TMPRSS9: variants seen among roughly 807,000 people sequenced by gnomAD.
TMPRSS9 encodes the protein transmembrane protease serine 9.
A neutral mutation model predicts 111.4 loss-of-function variants in TMPRSS9; 113 were observed. That is an observed-to-expected ratio of 1.01 (90% CI 0.87 to 1.19). TMPRSS9 has a LOEUF of 1.19. Among genes scored for constraint, TMPRSS9 ranks in the 50% most tolerant of loss-of-function variants. The pLI, the probability that TMPRSS9 is intolerant of heterozygous loss-of-function variation, is 0.00. For missense variants in TMPRSS9, 1,803 were observed against 1,513.1 expected, an observed-to-expected ratio of 1.19 and a Z score of -3.18; for synonymous variants, 805 against 659.1, an observed-to-expected ratio of 1.22 and a Z score of -3.39.
At chr19:2,371,114 A>G (rs1295376923) in intron 1 of TMPRSS9, among the ~76,000 whole-genome samples, 4 of 152,036 alleles carry the variant, frequency 2.6e-5, no homozygotes, top group Non-Finnish European at 2.9e-5. Context: ...CCCACAGCTC[A>G]CTCCTGTTTG....
At chr19:2,367,561 ATT>A (rs35468320) in intron 1 of TMPRSS9, among the ~76,000 whole-genome samples, 91 of 129,574 alleles carry the variant, frequency 7.0e-4, no homozygotes, top group African/African-American at 1.7e-3. Context: ...TGACTGGCTA[ATT>A]TTTTTTTTTT....
chr19:2,385,197 G>A (rs1401426164), upstream of TMPRSS9, among the ~76,000 whole-genome samples: 2 of 100,588 alleles, frequency 2.0e-5, no homozygotes, highest in South Asian at 3.1e-4. Context: ...GCGGGGGCGG[G>A]GCTCGAGGGG....
At position 2,426,182 on chromosome 19, in the gene TMPRSS9, C is replaced by G. The variant is rs1039391584; in HGVS notation, c.*94C>G. 1.2e-5 allele frequency: 12 copies of G among 968,894 alleles called. No homozygotes were observed. The East Asian group carries it at 1.4e-4, about 11-fold the overall frequency. The allele number at this position is 968,894 out of a possible 1,614,324, so 60.0% of individuals were successfully genotyped here. On this transcript the variant is annotated 3_prime_UTR_variant, in exon 18 of 18. Transcript: ENST00000648592. ...CACCCCACCGTACCCTACCCAAGGA[C>G]GGGTGTGGGGGGGCTGTGGGTCATG...
chr19:2,418,306 TTTCCCTCCCTCCCTCCCTCCCTCCC>T (rs1971314448), intron 13 of TMPRSS9, among the ~76,000 whole-genome samples, 168 bp downstream of exon 14: 2 of 53,376 alleles, frequency 3.7e-5, no homozygotes, highest in Non-Finnish European at 6.2e-5. Context: ...CTTCCCTCCC[TTTCCCTCCCTCCCTCCCTCCCTCCC>T]TTTCCTTCCC....
intron 1 of TMPRSS9, among the ~76,000 whole-genome samples, chr19:2,379,841 C>T (rs746271060): frequency 1.3e-5 from 2 of 151,542 alleles, no homozygotes; most frequent in Admixed American, 6.6e-5. Flanking sequence ...ACTGTAGTCT[C>T]GACCTCCTTG....
At chr19:2,398,292 T>C (rs1381793202) in intron 2 of TMPRSS9, among the ~76,000 whole-genome samples, 2 of 149,488 alleles carry the variant, frequency 1.3e-5, no homozygotes, top group African/African-American at 4.9e-5. Flanking sequence ...CAAGACTCTG[T>C]CTCAAAATAA....
intron 1 of TMPRSS9, among the ~76,000 whole-genome samples, chr19:2,378,136 T>C (rs1197603591): frequency 6.6e-6 from 1 of 152,118 alleles, no homozygotes; most frequent in Non-Finnish European, 1.5e-5. Context: ...TGCCTTGGTT[T>C]CCCAAAGTGT....
chr19:2,401,012 C>CCT (rs1970828920), intron 4 of TMPRSS9, among the ~76,000 whole-genome samples: 1 of 148,974 alleles, frequency 6.7e-6, no homozygotes, highest in Non-Finnish European at 1.5e-5. Context: ...CGGTGGCTTA[C>CCT]GCCTGTAATC....
At chr19:2,366,640 A>G (rs909715119) in intron 1 of TMPRSS9, among the ~76,000 whole-genome samples, 6 of 151,208 alleles carry the variant, frequency 4.0e-5, no homozygotes, top group Non-Finnish European at 7.4e-5. Flanking sequence ...GGCAGATCAC[A>G]AGGTCAGGAG....
rs768847818 is a variant in TMPRSS9, at chr19:2,408,537, A to G, written c.1024A>G (p.Ile342Val). Reference sequence around the variant, plus strand: ...CAGCCCTCTGCCTTTCGGCCGGCACATCCAGCCCGTGTGCCTCCCGGCTGC... The same window carrying G: ...CAGCCCTCTGCCTTTCGGCCGGCACGTCCAGCCCGTGTGCCTCCCGGCTGC... The change falls in exon 8 of 18, where the codon ATC (isoleucine) becomes GTC (valine). Residue 342 changes from isoleucine (I) to valine (V), a missense_variant. Coordinates refer to ENST00000648592, the Ensembl canonical transcript of TMPRSS9. 4 of 1,613,774 alleles carry G rather than the reference A, an allele frequency of 2.5e-6. No homozygotes were observed. The East Asian group carries it at 6.7e-5, about 27-fold the overall frequency.
Position 2,417,982 on chromosome 19 carries a change from T to C in TMPRSS9, c.2018-20T>C, listed in dbSNP as rs1971289758. On this transcript the variant is annotated intron_variant, in intron 12 of 17. Transcript: ENST00000648592. The stretch of plus-strand genomic sequence containing the variant: ...TGATGATCACTGTGCACGTGGCCTT[T>C]CTGGCTCTTTCCCTGGTAGCCACCA... 2 of 1,611,404 alleles carry C rather than the reference T, an allele frequency of 1.2e-6. No individual in the cohort carries two copies. The highest frequency in any genetic ancestry group is 3.3e-5 in the Admixed American group (2 of 59,918).
At chr19:2,377,035 A>C (rs1187712242) in intron 1 of TMPRSS9, among the ~76,000 whole-genome samples, 1 of 151,142 alleles carries the variant, frequency 6.6e-6, no homozygotes, top group Non-Finnish European at 1.5e-5. Context: ...CGGCTCCCTC[A>C]CGCTGGCTTC....
At chr19:2,385,224 C>T (rs938837680), upstream of TMPRSS9, among the ~76,000 whole-genome samples, 1 of 92,904 alleles carries the variant, frequency 1.1e-5, no homozygotes, top group African/African-American at 4.6e-5. Context: ...CTCGAGGGGG[C>T]GGGGCTCGCA....
At chr19:2,371,166 G>T (rs145166174) in intron 1 of TMPRSS9, among the ~76,000 whole-genome samples, 12 of 152,108 alleles carry the variant, frequency 7.9e-5, no homozygotes, top group Non-Finnish European at 1.3e-4. Flanking sequence ...TTAAGGACAC[G>T]CTGGCCCTAA....
chr19:2,393,122 A>C (rs1011543465), intron 1 of TMPRSS9, among the ~76,000 whole-genome samples: 3 of 152,210 alleles, frequency 2.0e-5, no homozygotes, highest in African/African-American at 7.2e-5. Flanking sequence ...AGATAAGGGA[A>C]TAAAAGCGGA....
rs1237155793 is a variant in TMPRSS9, at chr19:2,410,367, C to G, written c.1227C>G (p.Tyr409Ter). 1 of 1,613,916 alleles carries G rather than the reference C, an allele frequency of 6.2e-7. No homozygotes were observed. Among genetic ancestry groups the G allele is most frequent in the Non-Finnish European group, 8.5e-7 (1 of 1,179,996 alleles). Reference sequence around the variant, plus strand: ...CTGACAGGATGGTGTGCGCTGGCTACCTGGACGGGAAGGTGGACTCCTGCC... The same window carrying G: ...CTGACAGGATGGTGTGCGCTGGCTAGCTGGACGGGAAGGTGGACTCCTGCC... The change falls in exon 9 of 18, where the codon TAC (tyrosine) becomes TAG (stop). Residue 409 changes from tyrosine to a stop codon, truncating the protein, a stop_gained. Coordinates refer to ENST00000648592, the Ensembl canonical transcript of TMPRSS9. LOFTEE classifies it high-confidence loss of function.
chr19:2,410,574 G>A lies in TMPRSS9; in HGVS notation c.1254+180G>A, dbSNP rs113139508. Among the ~76,000 whole-genome samples, 928 of 152,230 alleles carry A rather than the reference G, an allele frequency of 6.1e-3. 8 individuals carry two copies. Among genetic ancestry groups the A allele is most frequent in the African/African-American group, 0.016 (663 of 41,540 alleles). On this transcript the variant is annotated intron_variant, in intron 9 of 17. Transcript: ENST00000648592. ...GCGATTCACAGATATCTGGATGCCCGTTCTTGAGGAATTTTAAAGCAGTTG... is the reference window on the plus strand; with the variant it reads ...GCGATTCACAGATATCTGGATGCCCATTCTTGAGGAATTTTAAAGCAGTTG...
At chr19:2,424,159 G>A (rs1400113106) in exon 15 of TMPRSS9, 3 of 1,459,098 alleles carry the variant, frequency 2.1e-6, no homozygotes, top group East Asian at 2.8e-5. Flanking sequence ...GGGAGTGGCC[G>A]TGGCAGGTGA....
intron 1 of TMPRSS9, 78 bp from the exon 3 acceptor site, chr19:2,396,461 C>T (rs369846472): frequency 1.5e-5 from 22 of 1,476,640 alleles, no homozygotes; most frequent in East Asian, 1.0e-4. Context: ...GCAAACAGGG[C>T]GGGGCCTGGG....
Sources: allele counts gnomAD v4.1 joint callset (sites outside exome capture counted in the v4.1 genomes callset), GRCh38; gene constraint gnomAD v4.1.1; transcripts MANE v1.5; gene names NCBI Gene and HGNC (gene_info 2026-07-23, HGNC 2026-07-21).